Variants in GPR107 observed in about 807,000 individuals in gnomAD.
GPR107 encodes the protein protein GPR107.
Under a neutral mutation model 75.5 loss-of-function variants are expected in GPR107, and 31 were observed. The observed-to-expected ratio is 0.41, with a 90% CI of 0.31 to 0.55. The LOEUF (loss-of-function observed/expected upper bound fraction) is 0.55. Ranked by LOEUF, GPR107 falls within the 20% of genes least tolerant of loss-of-function variation. GPR107 has a pLI of 0.26. For missense variants in GPR107, 572 were observed against 665.7 expected (o/e 0.86, Z 1.55); for synonymous variants, 267 against 251.3 (o/e 1.06, Z -0.59).
At position 130,139,350 on chromosome 9, in the gene GPR107, A is replaced by G. The variant is rs890655238; in HGVS notation, c.*4229A>G. ...GGCGTTTTTAAAAGGCATCTACCTG[A>G]GTTGACGCTAATACTTGTCACCACC... On this transcript the variant is annotated 3_prime_UTR_variant, in exon 18 of 18. Coordinates refer to ENST00000347136, the MANE Select transcript of GPR107 (RefSeq NM_020960.5). The G allele has an allele frequency of 2.0e-5, 3 of 152,198 alleles. No homozygotes were observed. Among genetic ancestry groups the G allele is most frequent in the African/African-American group, 4.8e-5 (2 of 41,452 alleles). The allele number at this position is 152,198 out of a possible 1,614,324, so 9.4% of individuals were successfully genotyped here. A position where few individuals can be genotyped will look rare whatever the true frequency, so the allele number is the denominator to read the frequency against.
chr9:130,062,022 C>G (rs988468293), intron 1 of GPR107, among the ~76,000 whole-genome samples: 1 of 151,910 alleles, frequency 6.6e-6, no homozygotes, highest in Non-Finnish European at 1.5e-5. Context: ...ATTGATTGTT[C>G]GTGTGCCACT....
chr9:130,096,749 C>T (rs1213136367), intron 9 of GPR107, among the ~76,000 whole-genome samples: 4 of 152,128 alleles, frequency 2.6e-5, no homozygotes, highest in Non-Finnish European at 4.4e-5. Context: ...TGAGCCACTG[C>T]GTCTGGCCTG....
At chr9:130,104,830 A>T (rs1439235210) in intron 13 of GPR107, among the ~76,000 whole-genome samples, 1 of 152,250 alleles carries the variant, frequency 6.6e-6, no homozygotes, top group Non-Finnish European at 1.5e-5. Flanking sequence ...ACTTGGTAGT[A>T]ACTTAAAGTA....
intron 1 of GPR107, among the ~76,000 whole-genome samples, chr9:130,062,829 C>T (rs1041452242): frequency 4.6e-5 from 7 of 151,630 alleles, no homozygotes; most frequent in Admixed American, 2.0e-4. Context: ...AAGGGATCCT[C>T]CTGCCTCAGC....
chr9:130,090,785 A>G, intron 7 of GPR107, 91 bp from the exon 8 acceptor site: 1 of 557,768 alleles, frequency 1.8e-6, no homozygotes, highest in East Asian at 3.1e-5. Context: ...TGAACAAAAA[A>G]GTAAACAATA....
chr9:130,071,408 T>TAGGA (rs1483320451), intron 1 of GPR107, among the ~76,000 whole-genome samples: 1 of 152,108 alleles, frequency 6.6e-6, no homozygotes, highest in Non-Finnish European at 1.5e-5. Context: ...TTTCCCTTGT[T>TAGGA]AGGAAATGAT....
At chr9:130,114,281 A>T (rs1424032775) in intron 14 of GPR107, among the ~76,000 whole-genome samples, 1 of 151,944 alleles carries the variant, frequency 6.6e-6, no homozygotes, top group East Asian at 1.9e-4. Context: ...AGGTAGAAGG[A>T]TTGCTTGAAC....
chr9:130,080,786 C>T lies in GPR107; in HGVS notation c.526+1017C>T, dbSNP rs1472165946. Among the ~76,000 whole-genome samples, 5 of 151,738 alleles carry T rather than the reference C, an allele frequency of 3.3e-5. No homozygotes were observed. In the East Asian group the frequency reaches 5.8e-4, roughly 18 times the overall value. ...GATTACAGGCGTGAGCCACTGCGCC[C>T]GGCCCTGTTTATTTATATTTACTCT... is the stretch of plus-strand genomic sequence containing the variant. On this transcript the variant is annotated intron_variant, in intron 5 of 17. Transcript: ENST00000347136.
chr9:130,106,586 A>G (rs1021559360), intron 13 of GPR107, among the ~76,000 whole-genome samples: 1 of 140,698 alleles, frequency 7.1e-6, no homozygotes, highest in Non-Finnish European at 1.5e-5. Context: ...ACAGAACAAG[A>G]CTCTGTCTCA....
chr9:130,087,986 A>T (rs971293638), intron 7 of GPR107, among the ~76,000 whole-genome samples: 1 of 152,050 alleles, frequency 6.6e-6, no homozygotes, highest in African/African-American at 2.4e-5. Flanking sequence ...TTCTTTTTCC[A>T]TGGATCATTT....
At chr9:130,056,308 C>CG (rs1829786590) in intron 1 of GPR107, among the ~76,000 whole-genome samples, 2 of 145,294 alleles carry the variant, frequency 1.4e-5, no homozygotes, top group African/African-American at 5.2e-5. Flanking sequence ...AAAAATTAGC[C>CG]AGGCGTGGTG....
chr9:130,096,421 C>T (rs184253895), intron 9 of GPR107, among the ~76,000 whole-genome samples: 106 of 152,116 alleles, frequency 7.0e-4, no homozygotes, highest in African/African-American at 2.4e-3. Context: ...CCCACTCCTT[C>T]CCAGTAGTGG....
At chr9:130,097,467 C>T (rs1589509686) in intron 9 of GPR107, among the ~76,000 whole-genome samples, 1 of 151,714 alleles carries the variant, frequency 6.6e-6, no homozygotes, top group Non-Finnish European at 1.5e-5. Context: ...CAGTTAATTT[C>T]GTTAAGGGCC....
chr9:130,054,065 G>A lies in GPR107; in HGVS notation c.133G>A (p.Ala45Thr). The change falls in exon 1 of 18, where the codon GCA becomes ACA. Residue 45 changes from alanine (A) to threonine (T), a missense_variant. By Grantham distance (58) the Ala-to-Thr change is moderately conservative. Coordinates refer to ENST00000347136, the MANE Select transcript of GPR107 (RefSeq NM_020960.5). The stretch of plus-strand genomic sequence containing the variant: ...TGGCCTGGGCCGCGTCCATCACCTG[G>A]CACTCAAGGTAAAGCTTGGCAAGGC... Reference protein sequence around the residue: ...EPGLGRVHHLALKDDVRHKVH... With the variant: ...EPGLGRVHHLTLKDDVRHKVH... The A allele has an allele frequency of 6.4e-7, 1 of 1,551,582 alleles. No individual in the cohort carries two copies. The highest frequency in any genetic ancestry group is 8.7e-7 in the Non-Finnish European group (1 of 1,147,362).
intron 1 of GPR107, among the ~76,000 whole-genome samples, chr9:130,062,305 C>T (rs932049949): frequency 5.3e-5 from 8 of 151,490 alleles, no homozygotes; most frequent in Admixed American, 1.3e-4. Flanking sequence ...CCCAGCTACT[C>T]GGGAGGCTGC....
intron 16 of GPR107, among the ~76,000 whole-genome samples, chr9:130,127,926 C>T (rs777494774): frequency 6.6e-6 from 1 of 152,192 alleles, no homozygotes; most frequent in South Asian, 2.1e-4. Context: ...TGGTCTCAAA[C>T]ACCTGATCTC....
chr9:130,125,636 C>G (rs1393416342), intron 15 of GPR107, among the ~76,000 whole-genome samples: 1 of 138,772 alleles, frequency 7.2e-6, no homozygotes, highest in Admixed American at 7.8e-5. Context: ...GAGTCTCGCT[C>G]TGTCGCCCAG....
At chr9:130,119,820 TTTTTTTG>T (rs1831508218) in intron 14 of GPR107, among the ~76,000 whole-genome samples, 1 of 44,652 alleles carries the variant, frequency 2.2e-5, no homozygotes, top group Non-Finnish European at 4.4e-5. Context: ...TTTAGTCTGT[TTTTTTTG>T]TTTGTTTGTT....
At chr9:130,125,597 CTTTTTTT>C (rs71387321) in intron 15 of GPR107, among the ~76,000 whole-genome samples, 2 of 103,116 alleles carry the variant, frequency 1.9e-5, no homozygotes, top group Admixed American at 1.1e-4. Flanking sequence ...ATCTGAGTTC[CTTTTTTT>C]TTTTTTTTTT....
Sources: allele counts gnomAD v4.1 joint callset (sites outside exome capture counted in the v4.1 genomes callset), GRCh38; gene constraint gnomAD v4.1.1; transcripts MANE v1.5; gene names NCBI Gene and HGNC (gene_info 2026-07-23, HGNC 2026-07-21).